The following LOC128092252 variants were observed in gnomAD, a reference collection of about 807,000 sequenced individuals.
At chr15:50,683,876 T>C in the LOC128092252 span, among the ~76,000 whole-genome samples, 1 of 151,940 alleles carries the variant, frequency 6.6e-6, no homozygotes, top group Non-Finnish European at 1.5e-5. Flanking sequence ...TCTGATCAAG[T>C]CTTTTTTTTT....
At chr15:50,663,084 A>T in the LOC128092252 span, 3 of 1,478,970 alleles carry the variant, frequency 2.0e-6, no homozygotes, top group Non-Finnish European at 2.8e-6. Flanking sequence ...TTATAAGTTA[A>T]CCCACTAAAT....
At chr15:50,686,198 G>C in the LOC128092252 span, among the ~76,000 whole-genome samples, 1 of 152,246 alleles carries the variant, frequency 6.6e-6, no homozygotes, top group Admixed American at 6.5e-5. Flanking sequence ...GCTGAGCCCT[G>C]CGTCGGGCGC....
chr15:50,655,483 A>C, the LOC128092252 span, among the ~76,000 whole-genome samples: 8 of 151,874 alleles, frequency 5.3e-5, no homozygotes, highest in Non-Finnish European at 1.2e-4. Context: ...CAGGTAAAAA[A>C]TTTGAACGTG....
the LOC128092252 span, among the ~76,000 whole-genome samples, chr15:50,669,252 G>C: frequency 0.036 from 5,466 of 150,460 alleles, 144 homozygotes; most frequent in Middle Eastern, 0.062. Context: ...GACCAGCCTG[G>C]CCAAGACCTC....
At chr15:50,663,172 A>G in the LOC128092252 span, 1 of 683,850 alleles carries the variant, frequency 1.5e-6, no homozygotes, top group South Asian at 1.8e-5. Flanking sequence ...CTTGTTGCCC[A>G]GACTGGAGAG....
At chr15:50,686,520 G>A in the LOC128092252 span, 3 of 1,613,766 alleles carry the variant, frequency 1.9e-6, no homozygotes, top group Non-Finnish European at 2.5e-6. Context: ...GGGCCTGCGT[G>A]GGTCCAGTAC....
At chr15:50,678,805 G>A in the LOC128092252 span, among the ~76,000 whole-genome samples, 2 of 152,078 alleles carry the variant, frequency 1.3e-5, no homozygotes, top group Non-Finnish European at 2.9e-5. Flanking sequence ...CAAGGCAAGA[G>A]GACCACTTAA....
At chr15:50,659,772 A>T in the LOC128092252 span, among the ~76,000 whole-genome samples, 1 of 151,848 alleles carries the variant, frequency 6.6e-6, no homozygotes, top group Admixed American at 6.6e-5. Context: ...GATTCAAGCA[A>T]CTCTCCTGCC....
the LOC128092252 span, among the ~76,000 whole-genome samples, chr15:50,680,606 A>T: frequency 6.6e-6 from 1 of 152,028 alleles, no homozygotes; most frequent in Admixed American, 6.6e-5. Context: ...ACTGAGTTGT[A>T]AATTATCTGT....
the LOC128092252 span, among the ~76,000 whole-genome samples, chr15:50,664,160 T>C: frequency 6.6e-6 from 1 of 151,752 alleles, no homozygotes; most frequent in African/African-American, 2.4e-5. Context: ...TAGCTGGGTG[T>C]GGTGGCGTGT....
chr15:50,670,689 AT>A, the LOC128092252 span, among the ~76,000 whole-genome samples: 94 of 152,268 alleles, frequency 6.2e-4, no homozygotes, highest in South Asian at 1.2e-3. Context: ...TAATCAGGAA[AT>A]AACCATAAAA....
At chr15:50,666,745 T>C in the LOC128092252 span, among the ~76,000 whole-genome samples, 5 of 151,502 alleles carry the variant, frequency 3.3e-5, no homozygotes, top group South Asian at 1.0e-3. Context: ...GAAGTTATGG[T>C]GAGCCGAGAT....
the LOC128092252 span, chr15:50,648,898 G>T: frequency 5.7e-6 from 9 of 1,583,612 alleles, no homozygotes; most frequent in Non-Finnish European, 7.7e-6. Flanking sequence ...AAAAGAAAAA[G>T]GTGAGATTAA....
At chr15:50,655,927 T>A in the LOC128092252 span, among the ~76,000 whole-genome samples, 1 of 151,754 alleles carries the variant, frequency 6.6e-6, no homozygotes, top group South Asian at 2.1e-4. Flanking sequence ...GAGGCAAAGG[T>A]TGCTGTGAGC....
the LOC128092252 span, chr15:50,686,417 G>C: frequency 1.3e-6 from 2 of 1,563,960 alleles, no homozygotes; most frequent in Non-Finnish European, 1.8e-6. Context: ...AAGGCAATTC[G>C]AGGGTCCTTC....
At chr15:50,653,445 G>C in the LOC128092252 span, among the ~76,000 whole-genome samples, 2 of 152,100 alleles carry the variant, frequency 1.3e-5, no homozygotes, top group Non-Finnish European at 2.9e-5. Context: ...ATTCATTCTA[G>C]CTAATCATGG....
chr15:50,686,163 C>T, the LOC128092252 span, among the ~76,000 whole-genome samples: 2 of 152,328 alleles, frequency 1.3e-5, no homozygotes, highest in South Asian at 4.1e-4. Flanking sequence ...GAGGACCGTG[C>T]TCCCAGGAGA....
At chr15:50,686,218 G>C in the LOC128092252 span, among the ~76,000 whole-genome samples, 1 of 152,226 alleles carries the variant, frequency 6.6e-6, no homozygotes, top group East Asian at 1.9e-4. Flanking sequence ...CGCTGAGGCC[G>C]CTCAGCTGAG....
At chr15:50,654,008 C>G in the LOC128092252 span, among the ~76,000 whole-genome samples, 1 of 152,092 alleles carries the variant, frequency 6.6e-6, no homozygotes, top group Admixed American at 6.6e-5. Flanking sequence ...GGACTAAGTT[C>G]AAAATAGAAG....
Sources: allele counts gnomAD v4.1 joint callset (sites outside exome capture counted in the v4.1 genomes callset), GRCh38; gene constraint gnomAD v4.1.1; transcripts MANE v1.5.